SNTG1: variants seen among roughly 807,000 people sequenced by gnomAD.
The protein encoded by SNTG1 is gamma-1-syntrophin.
In SNTG1, 39 loss-of-function variants were observed where a neutral mutation model predicts 74.7. The observed-to-expected ratio is 0.52, with a 90% CI of 0.40 to 0.68. The LOEUF (loss-of-function observed/expected upper bound fraction) is 0.68, where lower values mean the gene tolerates loss of function less well. Ranked by LOEUF, SNTG1 falls within the 30% of genes least tolerant of loss-of-function variation. SNTG1 has a pLI of 0.00. For synonymous variants in SNTG1, 254 were observed against 217.1 expected (o/e 1.17, Z -1.49); for missense variants, 685 against 609.5 (o/e 1.12, Z -1.30).
intron 2 of SNTG1, among the ~76,000 whole-genome samples, chr8:50,284,399 C>T (rs536251673): frequency 6.6e-6 from 1 of 152,194 alleles, no homozygotes. Context: ...CCTGAACATG[C>T]CCCATCATTG....
chr8:50,383,306 C>T (rs2092520059), intron 2 of SNTG1, among the ~76,000 whole-genome samples: 1 of 152,078 alleles, frequency 6.6e-6, no homozygotes, highest in African/African-American at 2.4e-5. Context: ...ATACAAAGGC[C>T]TTGAGTAATC....
At chr8:50,093,211 G>T (rs1163578479) in intron 1 of SNTG1, among the ~76,000 whole-genome samples, 1 of 152,132 alleles carries the variant, frequency 6.6e-6, no homozygotes, top group African/African-American at 2.4e-5. Context: ...ATATCCAAAT[G>T]ACCTGGAGGT....
In SNTG1 at chr8:50,761,355, G is replaced by A. The variant is rs1348735360; in HGVS notation, c.1395+9244G>A. Reference sequence around the variant, plus strand: ...AGTAATGTTGTGTTAAGGTGGGGGAGGGGAGTGTTCTACAGCTTGTGAGTA... The same window carrying A: ...AGTAATGTTGTGTTAAGGTGGGGGAAGGGAGTGTTCTACAGCTTGTGAGTA... On this transcript the variant is annotated intron_variant, in intron 18 of 18. Transcript: ENST00000642720. Among the ~76,000 whole-genome samples, 4 of 151,932 alleles carry A rather than the reference G, an allele frequency of 2.6e-5. No individual in the cohort carries two copies. The East Asian group carries it at 7.8e-4, about 30-fold the overall frequency.
At chr8:50,299,196 A>G (rs1175025394) in intron 2 of SNTG1, among the ~76,000 whole-genome samples, 3 of 152,134 alleles carry the variant, frequency 2.0e-5, no homozygotes, top group Non-Finnish European at 4.4e-5. Context: ...AGAAATACCA[A>G]AAGTTTTCCG....
intron 15 of SNTG1, among the ~76,000 whole-genome samples, chr8:50,668,525 T>TATC (rs1238878452): frequency 1.1e-5 from 1 of 87,202 alleles, no homozygotes; most frequent in Non-Finnish European, 2.9e-5. Flanking sequence ...TTATTATTAT[T>TATC]ATTATTATTA....
intron 13 of SNTG1, among the ~76,000 whole-genome samples, chr8:50,598,624 T>C (rs147843760): frequency 4.7e-4 from 72 of 152,158 alleles, no homozygotes; most frequent in East Asian, 4.2e-3. Flanking sequence ...AATGGCATTG[T>C]CATTTGATAA....
intron 2 of SNTG1, among the ~76,000 whole-genome samples, chr8:50,313,603 A>G (rs982801824): frequency 1.3e-5 from 2 of 149,974 alleles, no homozygotes; most frequent in African/African-American, 2.5e-5. Flanking sequence ...AACCAAAATG[A>G]GCTATACCTC....
intron 1 of SNTG1, among the ~76,000 whole-genome samples, chr8:50,088,728 A>G (rs1015651655): frequency 6.8e-6 from 1 of 146,416 alleles, no homozygotes; most frequent in African/African-American, 2.5e-5. Context: ...AAGGAGAACT[A>G]CAAACCACTG....
intron 15 of SNTG1, among the ~76,000 whole-genome samples, chr8:50,699,959 A>G (rs1300593801): frequency 3.3e-5 from 5 of 152,162 alleles, no homozygotes; most frequent in African/African-American, 1.2e-4. Context: ...TTTAGTGATG[A>G]GTGAAGGAAG....
At chr8:50,625,680 C>T (rs758859186) in intron 13 of SNTG1, among the ~76,000 whole-genome samples, 1 of 152,116 alleles carries the variant, frequency 6.6e-6, no homozygotes, top group African/African-American at 2.4e-5. Context: ...TCTTAAATCC[C>T]ATCACTTTGT....
intron 2 of SNTG1, among the ~76,000 whole-genome samples, chr8:50,207,107 T>C (rs111772765): frequency 6.6e-6 from 1 of 152,158 alleles, no homozygotes; most frequent in Non-Finnish European, 1.5e-5. Context: ...GATTCCCTCT[T>C]TTTCTATTGA....
At chr8:50,245,526 T>C (rs1377184581) in intron 2 of SNTG1, among the ~76,000 whole-genome samples, 1 of 151,868 alleles carries the variant, frequency 6.6e-6, no homozygotes, top group Admixed American at 6.6e-5. Context: ...CTACTAAAAA[T>C]ACAAAAATTA....
rs1292746908 is a variant in SNTG1, at chr8:50,570,226, T to TTTTTTTTTTATTTTATTTTA, written c.810+17051_810+17052insTTTTTATTTTATTTTATTTT. 3.5e-3 allele frequency among the ~76,000 whole-genome samples: 164 copies of TTTTTTTTTTATTTTATTTTA among 46,848 alleles called. 4 individuals carry two copies. Among genetic ancestry groups the TTTTTTTTTTATTTTATTTTA allele is most frequent in the Middle Eastern group, 0.02 (2 of 98 alleles). 30.7% of individuals were successfully genotyped at this position (46,848 alleles called of 152,430 possible). On this transcript the variant is annotated intron_variant, in intron 12 of 18. Transcript: ENST00000642720. ...ATTGCTGGTTCATATGGTGGTTCTA[T>TTTTTTTTTTATTTTATTTTA]TTTTATTTTATTTTATTTTATTTTA...
At chr8:50,336,500 C>A (rs1563914344) in intron 2 of SNTG1, among the ~76,000 whole-genome samples, 2 of 151,864 alleles carry the variant, frequency 1.3e-5, no homozygotes, top group African/African-American at 4.8e-5. Context: ...CAGAGGTGGT[C>A]TTTTTTTTCC....
At chr8:50,692,601 T>A (rs2095386321) in intron 15 of SNTG1, among the ~76,000 whole-genome samples, 1 of 152,108 alleles carries the variant, frequency 6.6e-6, no homozygotes, top group Non-Finnish European at 1.5e-5. Flanking sequence ...GCCTGATCGT[T>A]CCTCTGGAAG....
chr8:50,514,836 C>T (rs1162190877), intron 9 of SNTG1, among the ~76,000 whole-genome samples: 1 of 152,052 alleles, frequency 6.6e-6, no homozygotes, highest in Non-Finnish European at 1.5e-5. Flanking sequence ...AAATGTCATA[C>T]TATTATTGTG....
At chr8:50,507,025 T>C (rs933831846) in intron 9 of SNTG1, among the ~76,000 whole-genome samples, 9 of 152,094 alleles carry the variant, frequency 5.9e-5, no homozygotes, top group South Asian at 2.1e-4. Context: ...ATGTTTTAAA[T>C]TGTGAAAATA....
At chr8:50,729,586 A>T (rs748572044) in intron 17 of SNTG1, among the ~76,000 whole-genome samples, 1 of 152,162 alleles carries the variant, frequency 6.6e-6, no homozygotes, top group Non-Finnish European at 1.5e-5. Flanking sequence ...ATCCATGTCC[A>T]ATATTTCATT....
At chr8:50,065,622 TA>T (rs1236165636) in intron 1 of SNTG1, among the ~76,000 whole-genome samples, 20 of 152,192 alleles carry the variant, frequency 1.3e-4, no homozygotes, top group Admixed American at 2.6e-4. Flanking sequence ...GGAAATATTA[TA>T]GACGTTTTCA....
Sources: gnomAD v4.1 joint callset for allele counts (sites outside exome capture counted in the v4.1 genomes callset) on GRCh38, gnomAD v4.1.1 for gene constraint, MANE v1.5 for transcripts, NCBI Gene and HGNC (gene_info 2026-07-23, HGNC 2026-07-21) for gene names.